PROS1: variants seen among roughly 807,000 people sequenced by gnomAD.
PROS1 encodes protein S.
Under a neutral mutation model 75.9 loss-of-function variants are expected in PROS1, and 29 were observed. That is an observed-to-expected ratio of 0.38 (90% CI 0.28 to 0.52). The LOEUF (loss-of-function observed/expected upper bound fraction) is 0.52, where lower values mean the gene tolerates loss of function less well. Ranked by LOEUF, PROS1 falls within the 20% of genes least tolerant of loss-of-function variation. PROS1 has a pLI of 0.83. For missense variants in PROS1, 680 were observed against 810.3 expected, an observed-to-expected ratio of 0.84 and a Z score of 1.95; for synonymous variants, 245 against 280.6, an observed-to-expected ratio of 0.87 and a Z score of 1.27.
In PROS1 at chr3:93,884,785, C is replaced by T; in HGVS notation, c.1435G>A (p.Val479Met). Residue 479 changes from valine to methionine, a missense_variant, in exon 12 of 15, where the codon GTG becomes ATG. By Grantham distance (21) the Val-to-Met change is conservative. Coordinates refer to ENST00000394236, the MANE Select transcript of PROS1 (RefSeq NM_000313.4). ...CCAGGATAGTAGGAGCCCTTCTCCA[C>T]AGTAACCAGGCAATGCTTATTTTGT... ...EKQNKHCLVT[V>M]EKGSYYPGSG... is the part of the protein sequence containing the mutation. 1.2e-6 allele frequency: 2 copies of T among 1,613,914 alleles called. No homozygotes were observed. Among genetic ancestry groups the T allele is most frequent in the Middle Eastern group, 1.7e-4 (1 of 6,058 alleles).
At chr3:93,938,705 C>G (rs1034133572) in intron 1 of PROS1, among the ~76,000 whole-genome samples, 1 of 152,162 alleles carries the variant, frequency 6.6e-6, no homozygotes, top group Admixed American at 6.5e-5. Context: ...CTAGTAGAGA[C>G]AAAGGAGACA....
At chr3:93,895,127 A>G (rs1302619630) in intron 9 of PROS1, among the ~76,000 whole-genome samples, 3 of 152,170 alleles carry the variant, frequency 2.0e-5, no homozygotes, top group Non-Finnish European at 2.9e-5. Flanking sequence ...ACTCAATACA[A>G]TGCAAATGTA....
chr3:93,943,615 A>ATT (rs71105168), intron 1 of PROS1, among the ~76,000 whole-genome samples: 1 of 151,762 alleles, frequency 6.6e-6, no homozygotes, highest in Non-Finnish European at 1.5e-5. Context: ...CCCCCCCAAA[A>ATT]TTTTTGCTGC....
intron 1 of PROS1, among the ~76,000 whole-genome samples, chr3:93,939,570 C>T (rs1709247823): frequency 1.3e-5 from 2 of 152,120 alleles, no homozygotes; most frequent in Admixed American, 6.6e-5. Context: ...GAGACTAGCC[C>T]TCCCCCACCT....
chr3:93,965,177 G>A (rs1035147743), intron 1 of PROS1, among the ~76,000 whole-genome samples: 1 of 152,172 alleles, frequency 6.6e-6, no homozygotes, highest in African/African-American at 2.4e-5. Flanking sequence ...CTTTGTATGG[G>A]AGCTCTGTTT....
In PROS1 at chr3:93,898,483, C is replaced by T. The variant is rs41267005; in HGVS notation, c.814G>A (p.Gly272Arg). Residue 272 changes from glycine to arginine, a missense_variant, in exon 8 of 15, where the codon GGA (glycine) becomes AGA (arginine). Physicochemically the swap from Gly to Arg is moderately radical, Grantham distance 125. Coordinates refer to ENST00000394236, the MANE Select transcript of PROS1 (RefSeq NM_000313.4). ...TTCTGATCTTGGGCAAGTTTGAATC[C>T]TTTCTTCCCATCACAATAGCAAGTG... ...GYTCYCDGKKGFKLAQDQKSC... is the reference protein window; with the variant it reads ...GYTCYCDGKKRFKLAQDQKSC... 3.0e-4 allele frequency: 483 copies of T among 1,612,706 alleles called. No homozygotes were observed. The highest frequency in any genetic ancestry group is 4.0e-4 in the Non-Finnish European group (467 of 1,178,992).
intron 10 of PROS1, among the ~76,000 whole-genome samples, chr3:93,892,561 T>C (rs539078035): frequency 6.6e-6 from 1 of 150,814 alleles, no homozygotes; most frequent in East Asian, 2.0e-4. Flanking sequence ...GAGGTGGAGG[T>C]TGCAGTGAGC....
chr3:93,889,892 T>C (rs886535765), intron 10 of PROS1, among the ~76,000 whole-genome samples: 4 of 152,068 alleles, frequency 2.6e-5, no homozygotes, highest in Non-Finnish European at 5.9e-5. Flanking sequence ...ATAACAGCGA[T>C]TTTAGGGAAC....
intron 3 of PROS1, among the ~76,000 whole-genome samples, chr3:93,914,509 G>A (rs574041082): frequency 2.0e-4 from 31 of 152,276 alleles, no homozygotes; most frequent in Admixed American, 6.5e-4. Flanking sequence ...TCCCTAGGTC[G>A]TGCAGAGCAG....
At chr3:93,950,166 G>A (rs1709471722) in intron 1 of PROS1, among the ~76,000 whole-genome samples, 1 of 152,152 alleles carries the variant, frequency 6.6e-6, no homozygotes, top group Non-Finnish European at 1.5e-5. Context: ...GGCTTGAGTA[G>A]GTAAACAAAG....
intron 1 of PROS1, among the ~76,000 whole-genome samples, chr3:93,966,789 G>A (rs548981067): frequency 7.9e-4 from 114 of 143,744 alleles, no homozygotes; most frequent in African/African-American, 2.8e-3. Context: ...GAGGCAGGGC[G>A]ACAGAGCAAG....
In PROS1 at chr3:93,973,842, C is replaced by G. The variant is rs1032420361; in HGVS notation, c.-93G>C. On this transcript the variant is annotated 5_prime_UTR_variant, in exon 1 of 15. Transcript: ENST00000394236. ...CGCGGAGCTGCGAGCCTGTGCGCCT[C>G]GGTCTGAGCCGTGCTGCGCGGCGGC... 7 of 1,101,788 alleles carry G rather than the reference C, an allele frequency of 6.4e-6. No homozygotes were observed. The highest frequency in any genetic ancestry group is 8.7e-6 in the Non-Finnish European group (7 of 806,900). The allele number at this position is 1,101,788 out of a possible 1,614,324, so 68.3% of individuals were successfully genotyped here. A position where few individuals can be genotyped will look rare whatever the true frequency, so the allele number is the denominator to read the frequency against.
intron 11 of PROS1, among the ~76,000 whole-genome samples, chr3:93,885,922 C>T (rs1559929935): frequency 6.6e-6 from 1 of 152,086 alleles, no homozygotes; most frequent in Non-Finnish European, 1.5e-5. Context: ...TAAAAATAGA[C>T]TTGAGAAAGT....
At chr3:93,951,555 T>C (rs1265427596) in intron 1 of PROS1, among the ~76,000 whole-genome samples, 1 of 152,194 alleles carries the variant, frequency 6.6e-6, no homozygotes, top group East Asian at 1.9e-4. Flanking sequence ...TGAGAGATTT[T>C]GTCACCACCA....
chr3:93,880,322 A>G (rs571539156), intron 12 of PROS1, among the ~76,000 whole-genome samples: 1 of 152,044 alleles, frequency 6.6e-6, no homozygotes, highest in Non-Finnish European at 1.5e-5. Flanking sequence ...AACATGGTGA[A>G]ACATCTCTAC....
At chr3:93,940,704 A>G (rs1405891057) in intron 1 of PROS1, among the ~76,000 whole-genome samples, 1 of 151,940 alleles carries the variant, frequency 6.6e-6, no homozygotes, top group Non-Finnish European at 1.5e-5. Context: ...CATGTCCATT[A>G]CTATCCCATT....
chr3:93,941,421 C>A (rs1452648901), intron 1 of PROS1, among the ~76,000 whole-genome samples: 1 of 152,184 alleles, frequency 6.6e-6, no homozygotes, highest in Non-Finnish European at 1.5e-5. Flanking sequence ...CCAACCCCTT[C>A]TACAAAACAA....
intron 1 of PROS1, among the ~76,000 whole-genome samples, chr3:93,937,256 G>A (rs1406890399): frequency 4.6e-5 from 7 of 152,218 alleles, no homozygotes. Flanking sequence ...CGTGACAGGG[G>A]CTGCATGCAC....
Position 93,973,880 on chromosome 3 carries a change from G to T in PROS1, c.-131C>A. ...GCTGCGCGGCGGCGCCAGCGACCCAGCGAGCCTCGGCGGAACAGCCGGGGG... is the reference window on the plus strand; with the variant it reads ...GCTGCGCGGCGGCGCCAGCGACCCATCGAGCCTCGGCGGAACAGCCGGGGG... On this transcript the variant is annotated 5_prime_UTR_variant, in exon 1 of 15. In the 5' UTR this introduces an upstream ATG that the reference lacks. Coordinates refer to ENST00000394236, the MANE Select transcript of PROS1 (RefSeq NM_000313.4). 1 of 635,580 alleles carries T rather than the reference G, an allele frequency of 1.6e-6. No individual in the cohort carries two copies. Among genetic ancestry groups the T allele is most frequent in the Non-Finnish European group, 2.3e-6 (1 of 427,482 alleles). The allele number at this position is 635,580 out of a possible 1,614,324, so 39.4% of individuals were successfully genotyped here. A position where few individuals can be genotyped will look rare whatever the true frequency, so the allele number is the denominator to read the frequency against.
Sources: allele counts gnomAD v4.1 joint callset (sites outside exome capture counted in the v4.1 genomes callset), GRCh38; gene constraint gnomAD v4.1.1; transcripts MANE v1.5; gene names NCBI Gene and HGNC (gene_info 2026-07-23, HGNC 2026-07-21).